Variants in PCDHGA4 observed in about 807,000 individuals in gnomAD.
The protein encoded by PCDHGA4 is protocadherin gamma-A4.
Under a neutral mutation model 54.6 loss-of-function variants are expected in PCDHGA4, and 38 were observed. The observed-to-expected ratio is 0.70, with a 90% CI of 0.54 to 0.91. PCDHGA4 has a LOEUF of 0.91. Among genes scored for constraint, PCDHGA4 ranks in the 40% least tolerant of loss-of-function variants. The probability of loss-of-function intolerance (pLI) is 0.00; values close to 1 mark genes in which losing one functional copy is unlikely to be tolerated. For synonymous variants in PCDHGA4, 511 were observed against 512.9 expected, an observed-to-expected ratio of 1.00 and a Z score of 0.05; for missense variants, 1,298 against 1,220.9, an observed-to-expected ratio of 1.06 and a Z score of -0.94.
intron 1 of PCDHGA4, chr5:141,421,745 T>C: frequency 6.2e-7 from 1 of 1,613,950 alleles, no homozygotes; most frequent in Non-Finnish European, 8.5e-7. Flanking sequence ...AGCTACCAGC[T>C]CAGCCCTAAT....
At position 141,463,438 on chromosome 5, in the gene PCDHGA4, C is replaced by CTTTTT. The variant is rs71576115; in HGVS notation, c.2515-31345_2515-31341dup. On this transcript the variant is annotated intron_variant, in intron 1 of 3. Coordinates refer to ENST00000571252, the MANE Select transcript of PCDHGA4 (RefSeq NM_018917.4). ...GTTTGCGGATCCTCATTTCCTTCTC[C>CTTTTT]TTTTTTTTTTTTTTTTTTTTTTTTT... is the stretch of plus-strand genomic sequence containing the variant. 3.0e-4 allele frequency among the ~76,000 whole-genome samples: 31 copies of CTTTTT among 103,252 alleles called. 1 individual carries two copies. Among genetic ancestry groups the CTTTTT allele is most frequent in the African/African-American group, 1.2e-3 (26 of 22,402 alleles). The allele number at this position is 103,252 out of a possible 152,430, so 67.7% of individuals were successfully genotyped here.
intron 1 of PCDHGA4, among the ~76,000 whole-genome samples, chr5:141,368,447 C>T (rs1257309487): frequency 1.3e-5 from 2 of 152,048 alleles, no homozygotes; most frequent in African/African-American, 4.8e-5. Flanking sequence ...AATGTACAAA[C>T]TCACCGAATA....
chr5:141,357,744 A>C, intron 1 of PCDHGA4, 123 bp downstream of exon 1: 1 of 1,224,260 alleles, frequency 8.2e-7, no homozygotes, highest in East Asian at 2.5e-5. Context: ...TATTGCTTTA[A>C]AGAAAACTGG....
intron 3 of PCDHGA4, among the ~76,000 whole-genome samples, chr5:141,509,338 C>T (rs2099876319): frequency 6.6e-6 from 1 of 152,188 alleles, no homozygotes; most frequent in Admixed American, 6.5e-5. Flanking sequence ...CCAGCTGGGC[C>T]TGGGCTGGCC....
chr5:141,502,373 C>A (rs2099813965), intron 2 of PCDHGA4, among the ~76,000 whole-genome samples: 1 of 151,806 alleles, frequency 6.6e-6, no homozygotes, highest in African/African-American at 2.4e-5. Context: ...TTAAAGAGTC[C>A]AGGCCAGTTG....
chr5:141,452,010 G>A (rs955708033), intron 1 of PCDHGA4, among the ~76,000 whole-genome samples: 1 of 152,192 alleles, frequency 6.6e-6, no homozygotes, highest in African/African-American at 2.4e-5. Context: ...ACTTGGTCCA[G>A]CCCACACTCT....
intron 1 of PCDHGA4, chr5:141,384,799 G>A: frequency 1.2e-6 from 2 of 1,613,476 alleles, no homozygotes; most frequent in South Asian, 1.1e-5. Context: ...GGCCCTGCTG[G>A]ACAGAGATGC....
chr5:141,394,321 C>T lies in PCDHGA4; in HGVS notation c.2514+36700C>T, dbSNP rs11575959. ...ACGCTGCAGGGGGCGCCCCTGTCCT[C>T]GTATATCTCCATCAACTCTGACACC... On this transcript the variant is annotated intron_variant, in intron 1 of 3. Coordinates refer to ENST00000571252, the MANE Select transcript of PCDHGA4 (RefSeq NM_018917.4). 25 of 1,613,846 alleles carry T rather than the reference C, an allele frequency of 1.5e-5. No homozygotes were observed. The Admixed American group carries it at 2.7e-4, about 17-fold the overall frequency.
intron 1 of PCDHGA4, chr5:141,478,684 T>C: frequency 6.4e-7 from 1 of 1,551,340 alleles, no homozygotes; most frequent in Non-Finnish European, 8.7e-7. Flanking sequence ...TGGCCCTTCC[T>C]AGATCAAAGT....
At chr5:141,421,974 C>T in intron 1 of PCDHGA4, 3 of 1,609,644 alleles carry the variant, frequency 1.9e-6, no homozygotes, top group African/African-American at 1.3e-5. Flanking sequence ...CCGTATATCG[C>T]GTGAGTGTTC....
rs560733170 is a variant in PCDHGA4, at chr5:141,503,895, A to G, written c.2574-1498A>G. ...TTGTGCTCACCCACCATGACAAAATATGCACACACACAACGCAACACACAC... is the reference window on the plus strand; with the variant it reads ...TTGTGCTCACCCACCATGACAAAATGTGCACACACACAACGCAACACACAC... On this transcript the variant is annotated intron_variant, in intron 2 of 3. Transcript: ENST00000571252. Among the ~76,000 whole-genome samples, 12 of 152,302 alleles carry G rather than the reference A, an allele frequency of 7.9e-5. No individual in the cohort carries two copies. The South Asian group carries it at 2.1e-3, about 26-fold the overall frequency.
At chr5:141,425,918 CG>C (rs2096903264) in intron 1 of PCDHGA4, among the ~76,000 whole-genome samples, 1 of 152,200 alleles carries the variant, frequency 6.6e-6, no homozygotes, top group Admixed American at 6.5e-5. Context: ...ACAGTCACTA[CG>C]AAAACTCATA....
chr5:141,405,770 G>T (rs989163026), intron 1 of PCDHGA4, among the ~76,000 whole-genome samples: 1 of 152,032 alleles, frequency 6.6e-6, no homozygotes. Context: ...GAGCCACTGC[G>T]CCTGGCCCTT....
chr5:141,450,179 A>G (rs1472867634), intron 1 of PCDHGA4, among the ~76,000 whole-genome samples: 1 of 151,100 alleles, frequency 6.6e-6, no homozygotes, highest in African/African-American at 2.4e-5. Flanking sequence ...CACCACACCC[A>G]GCTAATTTTT....
At chr5:141,403,890 C>A in intron 1 of PCDHGA4, 1 of 1,613,714 alleles carries the variant, frequency 6.2e-7, no homozygotes, top group Non-Finnish European at 8.5e-7. Flanking sequence ...GAAGAATGTT[C>A]ATTTTATGAA....
At chr5:141,510,518 G>A (rs904482737) in intron 3 of PCDHGA4, among the ~76,000 whole-genome samples, 9 of 152,112 alleles carry the variant, frequency 5.9e-5, no homozygotes, top group Non-Finnish European at 1.0e-4. Flanking sequence ...CCGTGTCACA[G>A]CCCTGAGAGA....
intron 1 of PCDHGA4, chr5:141,405,552 G>A (rs2094685427): frequency 1.6e-6 from 1 of 623,718 alleles, no homozygotes. Context: ...CCCAAGTAGA[G>A]TAGCTGGGAC....
intron 1 of PCDHGA4, chr5:141,389,404 C>G (rs2091742660): frequency 6.2e-7 from 1 of 1,613,498 alleles, no homozygotes; most frequent in African/African-American, 1.3e-5. Flanking sequence ...TCCATAAGCG[C>G]GGAGAGCGGG....
intron 1 of PCDHGA4, chr5:141,370,541 C>T (rs760146561): frequency 5.0e-6 from 8 of 1,613,924 alleles, no homozygotes; most frequent in Non-Finnish European, 5.9e-6. Flanking sequence ...TGGTAGGGAA[C>T]CTCGCCAAGG....
Sources: gnomAD v4.1 joint callset for allele counts (sites outside exome capture counted in the v4.1 genomes callset) on GRCh38, gnomAD v4.1.1 for gene constraint, MANE v1.5 for transcripts, NCBI Gene and HGNC (gene_info 2026-07-23, HGNC 2026-07-21) for gene names.